The following CDH18 variants were observed in gnomAD, a reference collection of about 807,000 sequenced individuals.
The protein encoded by CDH18 is cadherin-18.
Under a neutral mutation model 67.9 loss-of-function variants are expected in CDH18, and 31 were observed. That is an observed-to-expected ratio of 0.46 (90% CI 0.34 to 0.62). CDH18 has a LOEUF of 0.62. Among genes scored for constraint, CDH18 ranks in the 20% least tolerant of loss-of-function variants. CDH18 has a pLI of 0.01. For synonymous variants in CDH18, 362 were observed against 347.2 expected, an observed-to-expected ratio of 1.04 and a Z score of -0.48; for missense variants, 890 against 975.5, an observed-to-expected ratio of 0.91 and a Z score of 1.17.
At chr5:19,524,067 A>T (rs1747354382) in intron 9 of CDH18, among the ~76,000 whole-genome samples, 1 of 151,940 alleles carries the variant, frequency 6.6e-6, no homozygotes, top group Non-Finnish European at 1.5e-5. Flanking sequence ...TAATAAGATA[A>T]TGTTTAGGAT....
intron 8 of CDH18, among the ~76,000 whole-genome samples, chr5:19,555,715 C>T (rs1738280410): frequency 1.3e-5 from 2 of 152,156 alleles, no homozygotes; most frequent in South Asian, 4.1e-4. Context: ...AGTACATAAT[C>T]TCTTGGGAGC....
chr5:19,820,008 A>G (rs892407424), intron 3 of CDH18, among the ~76,000 whole-genome samples: 40 of 152,110 alleles, frequency 2.6e-4, no homozygotes, highest in African/African-American at 9.7e-4. Flanking sequence ...CCAGAGGACA[A>G]AGCTTTCAAA....
chr5:19,818,438 GACTA>G (rs767436344), intron 3 of CDH18, among the ~76,000 whole-genome samples: 19 of 152,198 alleles, frequency 1.2e-4, no homozygotes, highest in East Asian at 7.7e-4. Flanking sequence ...ATGAAAAATA[GACTA>G]ACTAGTCTGT....
At chr5:19,769,250 G>A (rs1036409947) in intron 3 of CDH18, among the ~76,000 whole-genome samples, 1 of 151,990 alleles carries the variant, frequency 6.6e-6, no homozygotes, top group Non-Finnish European at 1.5e-5. Context: ...GATTCATATT[G>A]ATATACATTG....
intron 3 of CDH18, among the ~76,000 whole-genome samples, chr5:19,834,114 T>A (rs932186621): frequency 3.3e-5 from 5 of 151,952 alleles, no homozygotes; most frequent in Admixed American, 1.3e-4. Flanking sequence ...TTTTTATATT[T>A]CTGGTAGAAT....
At chr5:20,155,674 C>G (rs1219876464) in intron 2 of CDH18, among the ~76,000 whole-genome samples, 1 of 151,986 alleles carries the variant, frequency 6.6e-6, no homozygotes, top group African/African-American at 2.4e-5. Context: ...AGATATTTTC[C>G]TAGGTTTCCT....
chr5:20,172,201 T>TAC lies in CDH18; in HGVS notation c.-518+83242_-518+83243insGT, dbSNP rs1233354410. On this transcript the variant is annotated intron_variant, in intron 2 of 14. Transcript: ENST00000507958. ...CAATAGCATTGTGTGTATATATATA[T>TAC]ATATATATATATATATATATATGTA... Among the ~76,000 whole-genome samples, 83 of 54,976 alleles carry TAC rather than the reference T, an allele frequency of 1.5e-3. 2 individuals carry two copies. Among genetic ancestry groups the TAC allele is most frequent in the African/African-American group, 6.7e-3 (75 of 11,154 alleles). The allele number at this position is 54,976 out of a possible 152,430, so 36.1% of individuals were successfully genotyped here. A position where few individuals can be genotyped will look rare whatever the true frequency, so the allele number is the denominator to read the frequency against.
intron 5 of CDH18, among the ~76,000 whole-genome samples, chr5:19,662,699 A>C (rs989736992): frequency 5.9e-5 from 9 of 152,062 alleles, no homozygotes; most frequent in Non-Finnish European, 1.2e-4. Context: ...GTATCTGTGC[A>C]GTAATTATGA....
chr5:19,664,372 A>G (rs959717699), intron 5 of CDH18, among the ~76,000 whole-genome samples: 1 of 151,906 alleles, frequency 6.6e-6, no homozygotes, highest in African/African-American at 2.4e-5. Flanking sequence ...TGATTATTGC[A>G]TTTGTGATTC....
Position 19,647,471 on chromosome 5 carries a change from A to C in CDH18, c.644-34870T>G, listed in dbSNP as rs145180348. On this transcript the variant is annotated intron_variant, in intron 5 of 12. Transcript: ENST00000382275. ...CTTGAACCCGGGAGGTAGAGGTTGC[A>C]GTGAGCCAAGATCATGCCATTGTAC... Among the ~76,000 whole-genome samples the C allele has an allele frequency of 8.2e-5, 11 of 134,520 alleles. No individual in the cohort carries two copies. In the East Asian group the frequency reaches 2.5e-3, roughly 31 times the overall value. The allele number at this position is 134,520 out of a possible 152,430, so 88.3% of individuals were successfully genotyped here.
chr5:20,267,551 T>A (rs1745134971), intron 1 of CDH18, among the ~76,000 whole-genome samples: 1 of 152,352 alleles, frequency 6.6e-6, no homozygotes, highest in African/African-American at 2.4e-5. Flanking sequence ...TTTTTCCATT[T>A]GTTTGTGTCA....
intron 2 of CDH18, among the ~76,000 whole-genome samples, chr5:20,161,065 T>C (rs969008074): frequency 6.6e-6 from 1 of 152,206 alleles, no homozygotes; most frequent in African/African-American, 2.4e-5. Flanking sequence ...GGAAAAGAGA[T>C]CTTATGACTC....
chr5:20,233,299 T>C (rs1742218059), intron 2 of CDH18, among the ~76,000 whole-genome samples: 1 of 151,648 alleles, frequency 6.6e-6, no homozygotes, highest in African/African-American at 2.4e-5. Flanking sequence ...ATTCAGAGGT[T>C]TATGAGTTTA....
At position 19,692,829 on chromosome 5, in the gene CDH18, C is replaced by G. The variant is rs79856992; in HGVS notation, c.643+28518G>C. On this transcript the variant is annotated intron_variant, in intron 5 of 12. Coordinates refer to ENST00000382275, the MANE Select transcript of CDH18 (RefSeq NM_004934.5). Reference sequence around the variant, plus strand: ...TTATGTACAACAACATGGAAATTTCCCAGAAAAAAAAAACTTAAAAATAAA... The same window carrying G: ...TTATGTACAACAACATGGAAATTTCGCAGAAAAAAAAAACTTAAAAATAAA... 2.9e-3 allele frequency among the ~76,000 whole-genome samples: 444 copies of G among 150,898 alleles called. 2 individuals carry two copies. The highest frequency in any genetic ancestry group is 0.01 in the African/African-American group (420 of 41,164).
chr5:19,709,475 G>T (rs1764419978), intron 5 of CDH18, among the ~76,000 whole-genome samples: 1 of 152,052 alleles, frequency 6.6e-6, no homozygotes, highest in Non-Finnish European at 1.5e-5. Flanking sequence ...GCTGAGGCTG[G>T]AGAATCACTT....
chr5:19,741,973 C>T (rs988433541), intron 4 of CDH18, among the ~76,000 whole-genome samples: 2 of 152,130 alleles, frequency 1.3e-5, no homozygotes, highest in African/African-American at 4.8e-5. Context: ...GATTGAAAAA[C>T]TCGTTCCTAG....
intron 1 of CDH18, among the ~76,000 whole-genome samples, chr5:20,465,958 A>C (rs1751606756): frequency 6.6e-6 from 1 of 151,968 alleles, no homozygotes; most frequent in Admixed American, 6.6e-5. Flanking sequence ...TGACCAATAG[A>C]TTTACTATTT....
At chr5:20,024,191 T>C (rs1271105027) in intron 2 of CDH18, among the ~76,000 whole-genome samples, 1 of 152,258 alleles carries the variant, frequency 6.6e-6, no homozygotes, top group Non-Finnish European at 1.5e-5. Flanking sequence ...AACTTCATTA[T>C]TGATCTTTCT....
At chr5:20,435,297 C>T (rs1343857372) in intron 1 of CDH18, among the ~76,000 whole-genome samples, 1 of 152,010 alleles carries the variant, frequency 6.6e-6, no homozygotes, top group South Asian at 2.1e-4. Context: ...TCTTGTCCTC[C>T]TTTGTATCTT....
Sources: allele counts gnomAD v4.1 joint callset (sites outside exome capture counted in the v4.1 genomes callset), GRCh38; gene constraint gnomAD v4.1.1; transcripts MANE v1.5; gene names NCBI Gene and HGNC (gene_info 2026-07-23, HGNC 2026-07-21).